The following LZTFL1 variants were observed in gnomAD, a reference collection of about 807,000 sequenced individuals.
The protein encoded by LZTFL1 is leucine zipper transcription factor-like protein 1.
In LZTFL1, 25 loss-of-function variants were observed where a neutral mutation model predicts 45.9. That is an observed-to-expected ratio of 0.54 (90% confidence interval 0.40 to 0.76). The LOEUF (loss-of-function observed/expected upper bound fraction) is 0.76, where lower values mean the gene tolerates loss of function less well. Ranked by LOEUF, LZTFL1 falls within the 30% of genes least tolerant of loss-of-function variation. The pLI is 0.00. For missense variants in LZTFL1, 277 were observed against 331.1 expected, an observed-to-expected ratio of 0.84 and a Z score of 1.27; for synonymous variants, 93 against 117.4, an observed-to-expected ratio of 0.79 and a Z score of 1.35.
chr3:45,864,399 T>G (rs1271362562), intron 2 of LZTFL1, among the ~76,000 whole-genome samples: 1 of 152,246 alleles, frequency 6.6e-6, no homozygotes, highest in Admixed American at 6.5e-5. Flanking sequence ...CTTCACTTAT[T>G]GCTACTCAAA....
At chr3:45,853,626 T>C (rs1476913480) in intron 4 of LZTFL1, among the ~76,000 whole-genome samples, 1 of 152,186 alleles carries the variant, frequency 6.6e-6, no homozygotes, top group Non-Finnish European at 1.5e-5. Context: ...ATCTAAGCCC[T>C]TCTACCTCTG....
At chr3:45,870,474 T>A (rs938602848) in intron 2 of LZTFL1, among the ~76,000 whole-genome samples, 4 of 152,250 alleles carry the variant, frequency 2.6e-5, no homozygotes, top group Admixed American at 1.3e-4. Flanking sequence ...TGTGTGCACA[T>A]GTGTGCGTGT....
intron 3 of LZTFL1, chr3:45,855,101 A>G: frequency 7.3e-7 from 1 of 1,372,706 alleles, no homozygotes; most frequent in Non-Finnish European, 1.0e-6. Flanking sequence ...CGAGTTAAAA[A>G]TTATAAGTTG....
intron 2 of LZTFL1, chr3:45,894,853 G>A: frequency 7.8e-7 from 1 of 1,287,098 alleles, no homozygotes; most frequent in Admixed American, 1.7e-5. Flanking sequence ...GCATTTGGTT[G>A]TTACTATTCG....
chr3:45,912,684 A>C (rs1211234438), intron 2 of LZTFL1, among the ~76,000 whole-genome samples: 1 of 152,178 alleles, frequency 6.6e-6, no homozygotes, highest in African/African-American at 2.4e-5. Flanking sequence ...AGTCAACCCC[A>C]GCCACGATTA....
Position 45,901,589 on chromosome 3 carries a change from G to A in LZTFL1, c.-215+11531C>T. ...TCCTGACCGTCTTTGTCTTGTCTCA[G>A]TTTCCCTACAACTGCATTTTGTTGG... On this transcript the variant is annotated intron_variant, in intron 2 of 4. Transcript: ENST00000472635. This position sits in a 1 kb window ranked among gnomAD's most constrained non-coding sequence, Gnocchi z 4.3. 3 of 1,614,150 alleles carry A rather than the reference G, an allele frequency of 1.9e-6. No individual in the cohort carries two copies. Among genetic ancestry groups the A allele is most frequent in the South Asian group, 2.2e-5 (2 of 91,082 alleles).
intron 5 of LZTFL1, 170 bp downstream of exon 5, chr3:45,832,880 A>G: frequency 1.8e-6 from 1 of 558,042 alleles, no homozygotes; most frequent in Non-Finnish European, 3.2e-6. Flanking sequence ...GGCTCTCTAG[A>G]AGGTTAAGTA....
chr3:45,890,667 G>A (rs1423914969), intron 2 of LZTFL1, among the ~76,000 whole-genome samples: 1 of 151,902 alleles, frequency 6.6e-6, no homozygotes, highest in African/African-American at 2.4e-5. Context: ...AATACTGCCT[G>A]GGGAAAGTTC....
At chr3:45,841,699 C>CT in intron 1 of LZTFL1, 1 of 553,706 alleles carries the variant, frequency 1.8e-6, no homozygotes, top group Non-Finnish European at 3.2e-6. Flanking sequence ...CCTCACCTGC[C>CT]ACCTAAGAGT....
At chr3:45,912,999 T>C (rs911567700) in intron 2 of LZTFL1, 17 of 1,017,960 alleles carry the variant, frequency 1.7e-5, no homozygotes, top group Non-Finnish European at 2.4e-5. Context: ...AAAAGCTTTT[T>C]ATAAGTCATC....
At chr3:45,908,274 G>A (rs1473953010) in intron 2 of LZTFL1, among the ~76,000 whole-genome samples, 6 of 152,206 alleles carry the variant, frequency 3.9e-5, no homozygotes, top group Non-Finnish European at 5.9e-5. Flanking sequence ...CTAAGCTGCC[G>A]TGTCAGAAGG....
intron 2 of LZTFL1, among the ~76,000 whole-genome samples, chr3:45,895,993 G>T (rs1160075132): frequency 1.3e-5 from 2 of 152,182 alleles, no homozygotes; most frequent in Non-Finnish European, 2.9e-5. Context: ...GAGAGTGGTG[G>T]TTGAAACAGT....
intron 2 of LZTFL1, chr3:45,883,780 G>T: frequency 3.5e-6 from 2 of 563,416 alleles, no homozygotes; most frequent in South Asian, 2.6e-5. Context: ...ACACAGTCAG[G>T]AACAACTTGT....
rs997706408 is a variant in LZTFL1, at chr3:45,866,830, G to T, written c.-214-7814C>A. 2.6e-5 allele frequency among the ~76,000 whole-genome samples: 4 copies of T among 152,254 alleles called. No individual in the cohort carries two copies. In the South Asian group the frequency reaches 8.3e-4, roughly 32 times the overall value. ...ATCCAATTAAGTAGGTTAACAATTT[G>T]GTTTTACATTGTGTAGCTAAAAATA... On this transcript the variant is annotated intron_variant, in intron 2 of 4. Coordinates refer to the LZTFL1 transcript ENST00000472635.
intron 7 of LZTFL1, among the ~76,000 whole-genome samples, chr3:45,830,225 G>A (rs1700778806): frequency 6.6e-6 from 1 of 152,204 alleles, no homozygotes; most frequent in Middle Eastern, 3.2e-3. Context: ...AAAAGCCAAT[G>A]CTGTACTGAA....
chr3:45,855,069 C>T, exon 4 of LZTFL1: 1 of 1,525,008 alleles, frequency 6.6e-7, no homozygotes, highest in Middle Eastern at 1.7e-4. Context: ...ATTTTCTCTG[C>T]CTTCCCTAGA....
At position 45,900,266 on chromosome 3, in the gene LZTFL1, T is replaced by TGTGTATGTGCATGTGTATGTGG. The variant is rs1702507348; in HGVS notation, c.-215+12832_-215+12853dup. Among the ~76,000 whole-genome samples, 1 of 152,152 alleles carries TGTGTATGTGCATGTGTATGTGG rather than the reference T, an allele frequency of 6.6e-6. No homozygotes were observed. The highest frequency in any genetic ancestry group is 2.4e-5 in the African/African-American group (1 of 41,448). The stretch of plus-strand genomic sequence containing the variant: ...AGGGTTGAGAGTGTCTGTGTGTGTA[T>TGTGTATGTGCATGTGTATGTGG]GTGTATGTGCATGTGTATGTGGGTG... On this transcript the variant is annotated intron_variant, in intron 2 of 4. Transcript: ENST00000472635. The surrounding 1 kb of genome is among the most constrained non-coding windows in gnomAD (Gnocchi z 4.7).
chr3:45,914,049 T>C (rs1702850683), intron 1 of LZTFL1, among the ~76,000 whole-genome samples: 1 of 152,236 alleles, frequency 6.6e-6, no homozygotes, highest in Admixed American at 6.5e-5. Flanking sequence ...TGCGCCCTAG[T>C]GCTTGGGCTA....
chr3:45,832,910 G>A (rs1700868023), intron 5 of LZTFL1, 140 bp downstream of exon 5: 2 of 626,580 alleles, frequency 3.2e-6, no homozygotes, highest in South Asian at 3.9e-5. Flanking sequence ...CTGGCCCATG[G>A]GGTACCATCA....
Sources: allele counts gnomAD v4.1 joint callset (sites outside exome capture counted in the v4.1 genomes callset), GRCh38; gene constraint gnomAD v4.1.1; non-coding constraint Gnocchi (gnomAD v3.1); transcripts MANE v1.5; gene names NCBI Gene and HGNC (gene_info 2026-07-23, HGNC 2026-07-21).